CPA6: variants seen among roughly 807,000 people sequenced by gnomAD.
CPA6 encodes carboxypeptidase B.
Under a neutral mutation model 63.3 loss-of-function variants are expected in CPA6, and 58 were observed. The observed-to-expected ratio is 0.92, with a 90% CI of 0.74 to 1.14. The LOEUF is 1.14. Among genes scored for constraint, CPA6 ranks in the 50% most tolerant of loss-of-function variants. The pLI is 0.00. For missense variants in CPA6, 565 were observed against 526.6 expected, an observed-to-expected ratio of 1.07 and a Z score of -0.71; for synonymous variants, 185 against 179.0, an observed-to-expected ratio of 1.03 and a Z score of -0.27.
At chr8:67,569,150 A>T (rs1813419667) in intron 2 of CPA6, among the ~76,000 whole-genome samples, 1 of 152,212 alleles carries the variant, frequency 6.6e-6, no homozygotes, top group African/African-American at 2.4e-5. Flanking sequence ...AATTAAATTC[A>T]ACTCAAAGAG....
At chr8:67,512,752 A>G (rs1262759597) in intron 3 of CPA6, among the ~76,000 whole-genome samples, 2 of 152,212 alleles carry the variant, frequency 1.3e-5, no homozygotes. Context: ...TATTTTCCAA[A>G]AGAACCTGTT....
At chr8:67,475,769 CTTTCTTTCTTTCTTTCTTTCTTTCT>C (rs1811164090) in intron 8 of CPA6, among the ~76,000 whole-genome samples, 1 of 38,070 alleles carries the variant, frequency 2.6e-5, no homozygotes, top group African/African-American at 1.6e-4. Flanking sequence ...CTTTCTTTCT[CTTTCTTTCTTTCTTTCTTTCTTTCT>C]TTCTTTCTTT....
At chr8:67,511,936 A>G (rs534161682) in intron 3 of CPA6, among the ~76,000 whole-genome samples, 6 of 152,230 alleles carry the variant, frequency 3.9e-5, no homozygotes, top group Non-Finnish European at 8.8e-5. Context: ...CCGAATGATG[A>G]CTACGAGCAC....
chr8:67,655,282 C>G (rs1242934129), intron 1 of CPA6, among the ~76,000 whole-genome samples: 1 of 152,058 alleles, frequency 6.6e-6, no homozygotes, highest in African/African-American at 2.4e-5. Context: ...ATATGCAAGT[C>G]TTTTGGCTGT....
At chr8:67,637,672 C>T (rs993813659) in intron 1 of CPA6, among the ~76,000 whole-genome samples, 3 of 151,428 alleles carry the variant, frequency 2.0e-5, no homozygotes, top group Admixed American at 2.0e-4. Context: ...TAGTTAGGTA[C>T]ATAAGACAAA....
At chr8:67,447,504 T>TAC (rs1491308958) in intron 8 of CPA6, among the ~76,000 whole-genome samples, 4 of 119,176 alleles carry the variant, frequency 3.4e-5, no homozygotes, top group Non-Finnish European at 5.1e-5. Flanking sequence ...GATATGTGTG[T>TAC]ATACACACAC....
At chr8:67,599,864 A>G (rs1185065673) in intron 2 of CPA6, among the ~76,000 whole-genome samples, 2 of 152,204 alleles carry the variant, frequency 1.3e-5, no homozygotes, top group African/African-American at 4.8e-5. Flanking sequence ...GGAAAATAAT[A>G]ATTCATAGTC....
intron 1 of CPA6, among the ~76,000 whole-genome samples, chr8:67,739,303 A>G (rs961111403): frequency 6.6e-6 from 1 of 152,240 alleles, no homozygotes; most frequent in African/African-American, 2.4e-5. Flanking sequence ...AGCTTTGGGT[A>G]TAACGAGCTG....
At chr8:67,712,802 C>A (rs1351847218) in intron 1 of CPA6, among the ~76,000 whole-genome samples, 1 of 151,704 alleles carries the variant, frequency 6.6e-6, no homozygotes, top group Non-Finnish European at 1.5e-5. Context: ...AATTTCATGC[C>A]ATCCTGCTCT....
At chr8:67,739,366 T>C (rs1817871736) in intron 1 of CPA6, among the ~76,000 whole-genome samples, 1 of 152,162 alleles carries the variant, frequency 6.6e-6, no homozygotes, top group Non-Finnish European at 1.5e-5. Flanking sequence ...TAAGGAAAAC[T>C]AAAAATATTC....
chr8:67,531,170 T>C (rs923122629), intron 2 of CPA6, among the ~76,000 whole-genome samples: 1 of 152,106 alleles, frequency 6.6e-6, no homozygotes, highest in Non-Finnish European at 1.5e-5. Context: ...AGATAAAATA[T>C]TGAAGACAAT....
chr8:67,678,364 C>T (rs1816523976), intron 1 of CPA6, among the ~76,000 whole-genome samples: 1 of 151,762 alleles, frequency 6.6e-6, no homozygotes, highest in Non-Finnish European at 1.5e-5. Flanking sequence ...ATTATAATTA[C>T]AATTATATAA....
chr8:67,671,487 T>C (rs13257028), intron 1 of CPA6, among the ~76,000 whole-genome samples: 72,612 of 152,016 alleles, frequency 0.48, 20,761 homozygotes, highest in African/African-American at 0.81. Flanking sequence ...CAGGCTGAGA[T>C]ACCTAAGCTA....
chr8:67,631,674 C>T (rs114184027), intron 1 of CPA6, among the ~76,000 whole-genome samples: 2 of 152,230 alleles, frequency 1.3e-5, no homozygotes, highest in Non-Finnish European at 1.5e-5. Context: ...CTCTTCCACC[C>T]TGTGTAAACT....
intron 2 of CPA6, among the ~76,000 whole-genome samples, chr8:67,561,528 G>A (rs1022017799): frequency 2.0e-5 from 3 of 152,154 alleles, no homozygotes; most frequent in Non-Finnish European, 2.9e-5. Context: ...CTTTGAAAGA[G>A]CTGGCATGAA....
At chr8:67,564,466 G>C (rs1813290488) in intron 2 of CPA6, among the ~76,000 whole-genome samples, 1 of 151,118 alleles carries the variant, frequency 6.6e-6, no homozygotes, top group Non-Finnish European at 1.5e-5. Flanking sequence ...TAAGGTGTTA[G>C]CTTATTTAAT....
intron 1 of CPA6, among the ~76,000 whole-genome samples, chr8:67,677,829 T>A (rs1816509142): frequency 6.6e-6 from 1 of 151,414 alleles, no homozygotes; most frequent in Non-Finnish European, 1.5e-5. Flanking sequence ...CAAAAATAAA[T>A]TCCAGGTAGC....
intron 2 of CPA6, among the ~76,000 whole-genome samples, chr8:67,619,171 T>C (rs1232935415): frequency 3.3e-5 from 5 of 152,216 alleles, no homozygotes; most frequent in Admixed American, 1.3e-4. Context: ...TGTAGTCCAA[T>C]TACTTTCCAC....
intron 2 of CPA6, among the ~76,000 whole-genome samples, chr8:67,607,251 T>TCTTCTTCTTCTTCTTCTCCTCCTCCTC (rs1554679725): frequency 1.2e-5 from 1 of 81,090 alleles, no homozygotes; most frequent in Non-Finnish European, 2.3e-5. Flanking sequence ...TTCTTCTTCT[T>TCTTCTTCTTCTTCTTCTCCTCCTCCTC]CTCCTCCTCC....
Sources: gnomAD v4.1 joint callset for allele counts (sites outside exome capture counted in the v4.1 genomes callset) on GRCh38, gnomAD v4.1.1 for gene constraint, MANE v1.5 for transcripts, NCBI Gene and HGNC (gene_info 2026-07-23, HGNC 2026-07-21) for gene names.